Variants in SGSM3 observed in about 807,000 individuals in gnomAD.
The protein encoded by SGSM3 is RUN and SH3 containing 3.
In SGSM3, 96 loss-of-function variants were observed where a neutral mutation model predicts 100.5. The observed-to-expected ratio is 0.96, with a 90% confidence interval of 0.81 to 1.13. The LOEUF is 1.13. Among genes scored for constraint, SGSM3 ranks in the 50% most tolerant of loss-of-function variants. The pLI, the probability that SGSM3 is intolerant of heterozygous loss-of-function variation, is 0.00. For missense variants in SGSM3, 1,001 were observed against 1,015.8 expected, an observed-to-expected ratio of 0.99 and a Z score of 0.20; for synonymous variants, 483 against 422.8, an observed-to-expected ratio of 1.14 and a Z score of -1.75.
intron 1 of SGSM3, among the ~76,000 whole-genome samples, chr22:40,396,758 G>A (rs1464087868): frequency 6.6e-6 from 1 of 152,152 alleles, no homozygotes; most frequent in Admixed American, 6.5e-5. Context: ...AGAGTGAATG[G>A]GGGGCCATAT....
intron 1 of SGSM3, among the ~76,000 whole-genome samples, chr22:40,384,955 C>T (rs575770998): frequency 6.6e-6 from 1 of 152,234 alleles, no homozygotes; most frequent in East Asian, 1.9e-4. Context: ...ATTTGGAATC[C>T]ATTAGGAATG....
chr22:40,406,023 G>C, intron 8 of SGSM3, 55 bp from the exon 9 acceptor site: 2 of 1,593,430 alleles, frequency 1.3e-6, no homozygotes, highest in Non-Finnish European at 1.7e-6. Flanking sequence ...TGCAGTTCCG[G>C]GGAGGGAGGT....
intron 1 of SGSM3, among the ~76,000 whole-genome samples, chr22:40,373,841 C>T (rs2046040925): frequency 1.3e-5 from 2 of 152,204 alleles, no homozygotes; most frequent in South Asian, 4.1e-4. Context: ...GTCTCCATCT[C>T]TTGACCTCGT....
rs752689664 is a variant in SGSM3, at chr22:40,384,759, C to T, written c.-112+14071C>T. On this transcript the variant is annotated intron_variant, in intron 1 of 21. Transcript: ENST00000248929. ...TAGCGCCATTGCACTCCAGCCTGGG[C>T]GACAGAGCAAGACTCCACCTCAAAA... Among the ~76,000 whole-genome samples the T allele has an allele frequency of 5.9e-5, 9 of 151,882 alleles. No individual in the cohort carries two copies. In the South Asian group the frequency reaches 1.0e-3, roughly 18 times the overall value.
intron 1 of SGSM3, among the ~76,000 whole-genome samples, chr22:40,384,258 C>G (rs778729688): frequency 6.6e-6 from 1 of 151,084 alleles, no homozygotes; most frequent in Non-Finnish European, 1.5e-5. Context: ...ACAACAACAA[C>G]GACAAAAAAA....
At chr22:40,391,515 A>G (rs1054133126) in intron 1 of SGSM3, among the ~76,000 whole-genome samples, 28 of 152,214 alleles carry the variant, frequency 1.8e-4, no homozygotes, top group African/African-American at 6.7e-4. Flanking sequence ...GGAGGCTGAG[A>G]TGGGAGGATT....
intron 1 of SGSM3, among the ~76,000 whole-genome samples, chr22:40,397,941 A>G (rs1459954183): frequency 2.2e-5 from 3 of 133,504 alleles, no homozygotes; most frequent in Non-Finnish European, 4.8e-5. Flanking sequence ...ATCACAATCT[A>G]TTTCTGTGTT....
intron 1 of SGSM3, among the ~76,000 whole-genome samples, chr22:40,393,621 A>G (rs1297972948): frequency 1.3e-5 from 2 of 152,214 alleles, no homozygotes; most frequent in Non-Finnish European, 2.9e-5. Flanking sequence ...ACGGATGATC[A>G]CCCACTCCTT....
intron 1 of SGSM3, among the ~76,000 whole-genome samples, chr22:40,391,118 GAAT>G (rs747779144): frequency 3.3e-5 from 5 of 152,190 alleles, no homozygotes; most frequent in Admixed American, 6.5e-5. Flanking sequence ...GAATTTGAAA[GAAT>G]AATGGTCAAA....
chr22:40,384,481 TAAAA>T (rs1569153593), intron 1 of SGSM3, among the ~76,000 whole-genome samples: 2 of 151,740 alleles, frequency 1.3e-5, no homozygotes, highest in South Asian at 2.1e-4. Flanking sequence ...AAAAAAAAAT[TAAAA>T]AGAAATACAT....
chr22:40,373,102 A>G (rs909924482), intron 1 of SGSM3, among the ~76,000 whole-genome samples: 3 of 152,192 alleles, frequency 2.0e-5, no homozygotes, highest in Non-Finnish European at 2.9e-5. Context: ...TACCTGTAGT[A>G]ATAATCATTG....
intron 1 of SGSM3, among the ~76,000 whole-genome samples, chr22:40,400,283 C>T (rs545026083): frequency 2.0e-5 from 3 of 152,208 alleles, no homozygotes; most frequent in African/African-American, 7.2e-5. Flanking sequence ...TCAACCACAT[C>T]TCCTCGTTGT....
At chr22:40,398,112 C>T (rs751938247) in intron 1 of SGSM3, among the ~76,000 whole-genome samples, 5 of 151,876 alleles carry the variant, frequency 3.3e-5, no homozygotes, top group Non-Finnish European at 7.4e-5. Flanking sequence ...GGACTACAGG[C>T]ACACGCCACC....
chr22:40,377,223 G>C (rs1396912338), intron 1 of SGSM3, among the ~76,000 whole-genome samples: 1 of 152,184 alleles, frequency 6.6e-6, no homozygotes, highest in African/African-American at 2.4e-5. Context: ...ACATGGCCCA[G>C]GTCAGGCCAA....
rs199770532 is a variant in SGSM3 at position 40,409,706 on chromosome 22, G to A, written c.2197G>A (p.Val733Ile). ...GGCGCAGCAGCCCCTGAAGGAGGGCGTCCGGGACATGCTGGTGAAGCACCA... is the reference window on the plus strand; with the variant it reads ...GGCGCAGCAGCCCCTGAAGGAGGGCATCCGGGACATGCTGGTGAAGCACCA... ...REAQQPLKEG[V>I]RDMLVKHHLF... is the part of the protein sequence containing the mutation. The change falls in exon 22 of 22, where the codon GTC becomes ATC. Residue 733 changes from valine (V) to isoleucine (I), a missense_variant. By Grantham distance (29) the Val-to-Ile change is conservative (BLOSUM62 3). Transcript: ENST00000248929. The A allele has an allele frequency of 8.3e-5, 134 of 1,612,916 alleles. No individual in the cohort carries two copies. Among genetic ancestry groups the A allele is most frequent in the East Asian group, 3.6e-4 (16 of 44,866 alleles).
At chr22:40,374,317 C>T (rs1015025435) in intron 1 of SGSM3, among the ~76,000 whole-genome samples, 1 of 152,200 alleles carries the variant, frequency 6.6e-6, no homozygotes, top group African/African-American at 2.4e-5. Context: ...TGTCACTGGA[C>T]TGCCACCAGA....
chr22:40,408,746 G>A (rs372916237), intron 17 of SGSM3, 48 bp from the exon 18 acceptor site: 92 of 1,613,748 alleles, frequency 5.7e-5, no homozygotes, highest in Middle Eastern at 1.6e-4. Flanking sequence ...GTGGGAGGGC[G>A]GGGCCTGACC....
rs73887804 is a variant in SGSM3 at position 40,410,237 on chromosome 22, C to G, written c.*478C>G. The G allele has an allele frequency of 0.016, 16,104 of 1,004,342 alleles. 1,384 individuals carry two copies. The African/African-American group carries it at 0.21, about 13-fold the overall frequency. 62.2% of individuals were successfully genotyped at this position (1,004,342 alleles called of 1,614,324 possible). A position where few individuals can be genotyped will look rare whatever the true frequency, so the allele number is the denominator to read the frequency against. ...TGCTGGGACACAACAGACCCGGGACCCAGCTGTGCTACCCACCCCTTCCAT... is the reference window on the plus strand; with the variant it reads ...TGCTGGGACACAACAGACCCGGGACGCAGCTGTGCTACCCACCCCTTCCAT... On this transcript the variant is annotated 3_prime_UTR_variant, in exon 22 of 22. Transcript: ENST00000248929.
chr22:40,405,390 G>A, intron 7 of SGSM3, 106 bp downstream of exon 7: 1 of 1,178,608 alleles, frequency 8.5e-7, no homozygotes, highest in Non-Finnish European at 1.1e-6. Context: ...GCCTCCTCCA[G>A]GACCCCTAAC....
Sources: allele counts gnomAD v4.1 joint callset (sites outside exome capture counted in the v4.1 genomes callset), GRCh38; gene constraint gnomAD v4.1.1; transcripts MANE v1.5; gene names NCBI Gene and HGNC (gene_info 2026-07-23, HGNC 2026-07-21).